AKT2: variants seen among roughly 807,000 people sequenced by gnomAD.
The protein encoded by AKT2 is RAC-beta serine/threonine-protein kinase.
In AKT2, 16 loss-of-function variants were observed where a neutral mutation model predicts 58.6. The observed-to-expected ratio is 0.27, with a 90% confidence interval of 0.18 to 0.41. The LOEUF (loss-of-function observed/expected upper bound fraction) is 0.41, where lower values mean the gene tolerates loss of function less well. AKT2 is among the 10% of genes least tolerant of loss of function. AKT2 has a pLI of 1.00. For synonymous variants in AKT2, 253 were observed against 254.0 expected, an observed-to-expected ratio of 1.00 and a Z score of 0.04; for missense variants, 438 against 661.0, an observed-to-expected ratio of 0.66 and a Z score of 3.70.
intron 1 of AKT2, among the ~76,000 whole-genome samples, chr19:40,271,788 G>A (rs1248637825): frequency 5.3e-5 from 8 of 152,182 alleles, no homozygotes; most frequent in Non-Finnish European, 1.2e-4. Context: ...AAGAGGTCTG[G>A]CAGCATCCTG....
At chr19:40,283,580 A>G (rs1232477400) in intron 1 of AKT2, among the ~76,000 whole-genome samples, 2 of 152,204 alleles carry the variant, frequency 1.3e-5, no homozygotes, top group African/African-American at 2.4e-5. Context: ...CAGGGACTGC[A>G]GCCAGTCCTC....
Position 40,231,421 on chromosome 19 carries a change from A to G in AKT2, c.*2451T>C. The G allele has an allele frequency of 4.3e-6, 1 of 233,340 alleles. No homozygotes were observed. The highest frequency in any genetic ancestry group is 5.6e-5 in the Admixed American group (1 of 17,804). 14.5% of individuals were successfully genotyped at this position (233,340 alleles called of 1,614,324 possible). ...GACTTTTGTAATTAAATTAAGGTCC[A>G]CATGACTTTAGAAAGACAAACTAAA... is the stretch of plus-strand genomic sequence containing the variant. On this transcript the variant is annotated 3_prime_UTR_variant, in exon 14 of 14. Coordinates refer to ENST00000392038, the MANE Select transcript of AKT2 (RefSeq NM_001626.6).
chr19:40,261,628 T>C (rs1479612759), intron 2 of AKT2, among the ~76,000 whole-genome samples: 1 of 151,886 alleles, frequency 6.6e-6, no homozygotes, highest in South Asian at 2.1e-4. Context: ...ATGCCAACCC[T>C]GAATCTCGGA....
At position 40,256,922 on chromosome 19, in the gene AKT2, A is replaced by G. The variant is rs1257771104; in HGVS notation, c.175+4T>C. The G allele has an allele frequency of 6.2e-7, 1 of 1,613,868 alleles. No individual in the cohort carries two copies. Among genetic ancestry groups the G allele is most frequent in the Non-Finnish European group, 8.5e-7 (1 of 1,179,914 alleles). The stretch of plus-strand genomic sequence containing the variant: ...AACACTGACCCACTCATCCCAAGAC[A>G]CACCTGCTACGGAGAAGTTGTTTAA... On this transcript the variant is annotated splice_donor_region_variant and intron_variant, in intron 3 of 13. Transcript: ENST00000392038.
Position 40,233,981 on chromosome 19 carries a change from C to A in AKT2, c.1367-30G>T, listed in dbSNP as rs373956708. The A allele has an allele frequency of 1.2e-6, 2 of 1,604,552 alleles. No individual in the cohort carries two copies. The highest frequency in any genetic ancestry group is 1.7e-6 in the Non-Finnish European group (2 of 1,178,286). On this transcript the variant is annotated intron_variant, in intron 13 of 13. Transcript: ENST00000392038. This position sits in a 1 kb window ranked among gnomAD's most constrained non-coding sequence, Gnocchi z 4.3. ...GGGCGGCAGAGGTGGATGGGGAGGACCAGTCAGGAGAGGGCCTGGGACACC... is the reference window on the plus strand; with the variant it reads ...GGGCGGCAGAGGTGGATGGGGAGGAACAGTCAGGAGAGGGCCTGGGACACC...
At position 40,265,314 on chromosome 19, in the gene AKT2, A is replaced by G; in HGVS notation, c.-47T>C. The G allele has an allele frequency of 6.2e-7, 1 of 1,604,472 alleles. No homozygotes were observed. The highest frequency in any genetic ancestry group is 8.5e-7 in the Non-Finnish European group (1 of 1,175,736). On this transcript the variant is annotated 5_prime_UTR_variant, in exon 2 of 14. Coordinates refer to ENST00000392038, the MANE Select transcript of AKT2 (RefSeq NM_001626.6). The stretch of plus-strand genomic sequence containing the variant: ...CACCTAGCTCGGGACAGCTCAGGGC[A>G]GCAGGACATGCAGGAGGCACCGTGG...
At chr19:40,277,064 A>G (rs2077339612) in intron 1 of AKT2, among the ~76,000 whole-genome samples, 1 of 152,106 alleles carries the variant, frequency 6.6e-6, no homozygotes, top group African/African-American at 2.4e-5. Context: ...TTTTCTGATA[A>G]CCATGGGTTG....
In AKT2 at chr19:40,233,981, C is replaced by T. The variant is rs373956708; in HGVS notation, c.1367-30G>A. 1.7e-4 allele frequency: 271 copies of T among 1,604,436 alleles called. No individual in the cohort carries two copies. Among genetic ancestry groups the T allele is most frequent in the Non-Finnish European group, 2.2e-4 (259 of 1,178,294 alleles). Reference sequence around the variant, plus strand: ...GGGCGGCAGAGGTGGATGGGGAGGACCAGTCAGGAGAGGGCCTGGGACACC... The same window carrying T: ...GGGCGGCAGAGGTGGATGGGGAGGATCAGTCAGGAGAGGGCCTGGGACACC... On this transcript the variant is annotated intron_variant, in intron 13 of 13. Transcript: ENST00000392038. The surrounding 1 kb of genome is among the most constrained non-coding windows in gnomAD (Gnocchi z 4.3).
chr19:40,239,839 A>C (rs1324578617), intron 7 of AKT2: 1 of 707,292 alleles, frequency 1.4e-6, no homozygotes, highest in Non-Finnish European at 2.6e-6. Flanking sequence ...ACCATCTATG[A>C]AGAAGCTGTC....
chr19:40,280,462 C>T lies in AKT2; in HGVS notation c.-85+4719G>A, dbSNP rs140584262. ...AACGCCCTGCTCCGCTCAGTCAAAT[C>T]TACCCACGCCCCCAGGCAGGAGCCT... On this transcript the variant is annotated intron_variant, in intron 1 of 13. Coordinates refer to ENST00000392038, the MANE Select transcript of AKT2 (RefSeq NM_001626.6). Among the ~76,000 whole-genome samples the T allele has an allele frequency of 1.1e-4, 16 of 152,264 alleles. No individual in the cohort carries two copies. In the East Asian group the frequency reaches 3.1e-3, roughly 29 times the overall value.
chr19:40,272,048 G>A (rs182454131), intron 1 of AKT2, among the ~76,000 whole-genome samples: 6 of 152,312 alleles, frequency 3.9e-5, no homozygotes, highest in Admixed American at 2.6e-4. Context: ...CCCATACCAC[G>A]TGCCAGGCCC....
rs1393896368 is a variant in AKT2 at position 40,255,192 on chromosome 19, C to T, written c.253G>A (p.Glu85Lys). Residue 85 changes from glutamate (E) to lysine (K), a missense_variant, in exon 4 of 14, where the codon GAG (glutamate) becomes AAG (lysine). By Grantham distance (56) the Glu-to-Lys change is moderately conservative. This residue lies in a region of AKT2 where 244 missense variants were observed against 347.1 expected (regional missense o/e 0.70). Coordinates refer to ENST00000392038, the MANE Select transcript of AKT2 (RefSeq NM_001626.6). ...IRCLQWTTVI[E>K]RTFHVDSPDE... ...GGAGAATCCACGTGGAAGGTCCTCTCGATGACTGTGGTCCACTGCAGGCAG... is the reference window on the plus strand; with the variant it reads ...GGAGAATCCACGTGGAAGGTCCTCTTGATGACTGTGGTCCACTGCAGGCAG... 6.2e-7 allele frequency: 1 copy of T among 1,613,996 alleles called. No homozygotes were observed. Among genetic ancestry groups the T allele is most frequent in the Non-Finnish European group, 8.5e-7 (1 of 1,179,966 alleles).
In AKT2 at chr19:40,235,036, G is replaced by A. The variant is rs372595619; in HGVS notation, c.1366+9C>T. 12 of 1,613,544 alleles carry A rather than the reference G, an allele frequency of 7.4e-6. No individual in the cohort carries two copies. The highest frequency in any genetic ancestry group is 1.7e-5 in the Admixed American group (1 of 59,998). On this transcript the variant is annotated intron_variant, in intron 13 of 13. Transcript: ENST00000392038. The surrounding 1 kb of genome is among the most constrained non-coding windows in gnomAD (Gnocchi z 6.3). The stretch of plus-strand genomic sequence containing the variant: ...CAGGCACACCAGCGCGGGGGCCCCA[G>A]GCACTCACAGCGGTCAGGGGGTGTG...
At position 40,236,388 on chromosome 19, in the gene AKT2, G is replaced by C; in HGVS notation, c.832-3C>G. 1 of 1,614,138 alleles carries C rather than the reference G, an allele frequency of 6.2e-7. No homozygotes were observed. Among genetic ancestry groups the C allele is most frequent in the East Asian group, 2.2e-5 (1 of 44,884 alleles). The stretch of plus-strand genomic sequence containing the variant: ...TTGTCCAGCATGAGGTTTTCCAGCT[G>C]TTGGAAAAGTCAACGGATCTCAGGT... On this transcript the variant is annotated splice_polypyrimidine_tract_variant and splice_region_variant and intron_variant, in intron 9 of 13. Coordinates refer to ENST00000392038, the MANE Select transcript of AKT2 (RefSeq NM_001626.6).
intron 1 of AKT2, among the ~76,000 whole-genome samples, chr19:40,267,362 C>T (rs1976431681): frequency 6.6e-6 from 1 of 152,174 alleles, no homozygotes; most frequent in African/African-American, 2.4e-5. Flanking sequence ...TTGACTATTG[C>T]ACCTCTCCAG....
At chr19:40,239,600 G>A (rs1458593942) in intron 7 of AKT2, 4 of 353,850 alleles carry the variant, frequency 1.1e-5, no homozygotes, top group African/African-American at 8.5e-5. Flanking sequence ...CATTTAACTG[G>A]TGGCCACTGG....
intron 4 of AKT2, among the ~76,000 whole-genome samples, chr19:40,253,153 C>T (rs1975287158): frequency 6.6e-6 from 1 of 152,078 alleles, no homozygotes; most frequent in African/African-American, 2.4e-5. Flanking sequence ...AATGCTCAAT[C>T]GGCACAAGCA....
At position 40,270,444 on chromosome 19, in the gene AKT2, A is replaced by G. The variant is rs1388172184; in HGVS notation, c.-84-5093T>C. 3 of 152,402 alleles carry G rather than the reference A, an allele frequency of 2.0e-5. No individual in the cohort carries two copies. The East Asian group carries it at 5.8e-4, about 29-fold the overall frequency. The allele number at this position is 152,402 out of a possible 1,614,324, so 9.4% of individuals were successfully genotyped here. On this transcript the variant is annotated intron_variant, in intron 1 of 13. Transcript: ENST00000392038. The stretch of plus-strand genomic sequence containing the variant: ...CCAGAACAGGCTCAAAATAAGCTCA[A>G]TTCCTTTCCTTGCCACTTACTAAGT...
chr19:40,252,023 G>A (rs1308791054), intron 4 of AKT2, among the ~76,000 whole-genome samples: 1 of 152,184 alleles, frequency 6.6e-6, no homozygotes, highest in Non-Finnish European at 1.5e-5. Flanking sequence ...TGGGGGACAG[G>A]GAGGAGGGTC....
Sources: gnomAD v4.1 joint callset for allele counts (sites outside exome capture counted in the v4.1 genomes callset) on GRCh38, gnomAD v4.1.1 for gene constraint, gnomAD v4.1.1 regional missense constraint, Gnocchi (gnomAD v3.1) non-coding constraint, MANE v1.5 for transcripts, NCBI Gene and HGNC (gene_info 2026-07-23, HGNC 2026-07-21) for gene names.